DPY19L1: variants seen among roughly 807,000 people sequenced by gnomAD.
DPY19L1 encodes the protein protein C-mannosyl-transferase DPY19L1.
A neutral mutation model predicts 96.9 loss-of-function variants in DPY19L1; 35 were observed. The observed-to-expected ratio is 0.36, with a 90% CI of 0.28 to 0.48. The LOEUF (loss-of-function observed/expected upper bound fraction) is 0.48. Ranked by LOEUF, DPY19L1 falls within the 20% of genes least tolerant of loss-of-function variation. The pLI is 0.99. For synonymous variants in DPY19L1, 205 were observed against 252.6 expected (o/e 0.81, Z 1.79); for missense variants, 521 against 777.9 (o/e 0.67, Z 3.93).
chr7:34,960,064 T>G (rs1020372688), intron 10 of DPY19L1, among the ~76,000 whole-genome samples: 1 of 150,774 alleles, frequency 6.6e-6, no homozygotes, highest in African/African-American at 2.4e-5. Flanking sequence ...GTTAGCAAAT[T>G]TATCTTTCAT....
At chr7:34,981,455 A>C (rs1784937566) in intron 7 of DPY19L1, among the ~76,000 whole-genome samples, 1 of 152,342 alleles carries the variant, frequency 6.6e-6, no homozygotes. Context: ...GAGGATATTC[A>C]AGTGTCTCAA....
intron 15 of DPY19L1, among the ~76,000 whole-genome samples, chr7:34,947,242 A>G (rs1277982602): frequency 6.6e-6 from 1 of 152,192 alleles, no homozygotes; most frequent in African/African-American, 2.4e-5. Flanking sequence ...AATAATAAAC[A>G]CAATCCAGGA....
intron 1 of DPY19L1, among the ~76,000 whole-genome samples, chr7:35,020,298 A>G (rs1236241790): frequency 6.6e-6 from 1 of 152,214 alleles, no homozygotes; most frequent in African/African-American, 2.4e-5. Context: ...AATCACTCTG[A>G]GGTTATAATT....
At chr7:34,986,460 A>T (rs1785051397) in intron 7 of DPY19L1, among the ~76,000 whole-genome samples, 1 of 152,060 alleles carries the variant, frequency 6.6e-6, no homozygotes. Flanking sequence ...TTAAAAATAC[A>T]AATAAATAAA....
chr7:34,931,809 G>C, intron 21 of DPY19L1, 80 bp from the exon 22 acceptor site: 1 of 1,480,622 alleles, frequency 6.8e-7, no homozygotes, highest in Non-Finnish European at 9.0e-7. Context: ...TTACATTCCT[G>C]ACCTCAATTC....
At chr7:34,974,063 T>C (rs924561793) in intron 7 of DPY19L1, among the ~76,000 whole-genome samples, 2 of 152,224 alleles carry the variant, frequency 1.3e-5, no homozygotes, top group Admixed American at 6.5e-5. Context: ...CAAAGGAATA[T>C]TCCATTTTTG....
Position 35,018,507 on chromosome 7 carries a change from G to T in DPY19L1, c.323+65C>A. ...CTGAAATTATTCCTTTAAATGTATGGGAAATAGCTTTAGCAAGTTATAAAC... is the reference window on the plus strand; with the variant it reads ...CTGAAATTATTCCTTTAAATGTATGTGAAATAGCTTTAGCAAGTTATAAAC... On this transcript the variant is annotated intron_variant, in intron 2 of 21. Coordinates refer to ENST00000638088, the MANE Select transcript of DPY19L1 (RefSeq NM_001366673.1). The T allele has an allele frequency of 3.6e-6, 5 of 1,397,968 alleles. No individual in the cohort carries two copies. The South Asian group carries it at 6.1e-5, about 17-fold the overall frequency. 86.6% of individuals were successfully genotyped at this position (1,397,968 alleles called of 1,614,324 possible). A position where few individuals can be genotyped will look rare whatever the true frequency, so the allele number is the denominator to read the frequency against.
chr7:34,997,436 C>CAAAAAAAAAAA (rs397836742), intron 6 of DPY19L1, among the ~76,000 whole-genome samples: 6 of 91,912 alleles, frequency 6.5e-5, no homozygotes, highest in African/African-American at 1.4e-4. Flanking sequence ...ACTAAAAATA[C>CAAAAAAAAAAA]AAAAAAAAAA....
intron 10 of DPY19L1, among the ~76,000 whole-genome samples, chr7:34,961,976 G>A (rs1584220963): frequency 6.7e-6 from 1 of 149,340 alleles, no homozygotes; most frequent in Non-Finnish European, 1.5e-5. Context: ...TGGAGCAGCA[G>A]GAACTCTCAT....
At chr7:34,954,601 G>T in intron 13 of DPY19L1, 97 bp downstream of exon 13, 2 of 653,738 alleles carry the variant, frequency 3.1e-6, no homozygotes, top group South Asian at 2.1e-5. Context: ...CTTCATCCTA[G>T]AATTTCATTT....
chr7:34,991,512 C>T (rs1457222502), intron 6 of DPY19L1, among the ~76,000 whole-genome samples: 1 of 152,208 alleles, frequency 6.6e-6, no homozygotes, highest in Non-Finnish European at 1.5e-5. Flanking sequence ...ACCACATCTT[C>T]TTCAGAAGAG....
intron 6 of DPY19L1, among the ~76,000 whole-genome samples, chr7:35,005,206 A>C (rs1461565585): frequency 6.6e-6 from 1 of 152,076 alleles, no homozygotes; most frequent in Non-Finnish European, 1.5e-5. Context: ...CTGAAGACAG[A>C]GGCAGCAGTA....
chr7:35,036,910 G>A (rs1044949072), intron 1 of DPY19L1, among the ~76,000 whole-genome samples, 187 bp downstream of exon 1: 4 of 151,762 alleles, frequency 2.6e-5, no homozygotes, highest in African/African-American at 9.7e-5. Flanking sequence ...AGGGAGTTGC[G>A]GGGAGGAGAA....
chr7:34,966,899 G>A lies in DPY19L1; in HGVS notation c.1087C>T (p.His363Tyr), dbSNP rs780114396. The A allele has an allele frequency of 2.6e-6, 4 of 1,529,526 alleles. No homozygotes were observed. In the South Asian group the frequency reaches 5.0e-5, roughly 19 times the overall value. The allele number at this position is 1,529,526 out of a possible 1,614,324, so 94.7% of individuals were successfully genotyped here. ...ICKLRKIIYI[H>Y]MISLALCFVL... Reference sequence around the variant, plus strand: ...GAACAATAAAAAATTATTACCATGTGTATATAAATGATCTTCCGTAATTTA... The same window carrying A: ...GAACAATAAAAAATTATTACCATGTATATATAAATGATCTTCCGTAATTTA... The change falls in exon 10 of 22, where the codon CAC (histidine) becomes TAC (tyrosine). Residue 363 changes from histidine to tyrosine, a missense_variant. Coordinates refer to ENST00000638088, the MANE Select transcript of DPY19L1 (RefSeq NM_001366673.1).
At chr7:35,031,627 A>T (rs1237862144) in intron 1 of DPY19L1, among the ~76,000 whole-genome samples, 1 of 152,244 alleles carries the variant, frequency 6.6e-6, no homozygotes, top group African/African-American at 2.4e-5. Flanking sequence ...GTACATAAAT[A>T]AAACTGTATG....
chr7:34,950,572 G>A (rs1784248553), intron 13 of DPY19L1, among the ~76,000 whole-genome samples: 3 of 152,072 alleles, frequency 2.0e-5, no homozygotes, highest in African/African-American at 2.4e-5. Context: ...AACAACCAAA[G>A]AAAAGAGGAG....
chr7:35,012,756 A>T (rs1785743995), intron 4 of DPY19L1, among the ~76,000 whole-genome samples: 2 of 151,904 alleles, frequency 1.3e-5, no homozygotes, highest in South Asian at 4.2e-4. Flanking sequence ...CATCATACAC[A>T]AAGCTAAAGG....
At chr7:35,021,155 G>T (rs138238144) in intron 1 of DPY19L1, among the ~76,000 whole-genome samples, 2 of 152,188 alleles carry the variant, frequency 1.3e-5, no homozygotes, top group Non-Finnish European at 2.9e-5. Flanking sequence ...CACTCTTGGC[G>T]TTGGTGGTAT....
chr7:35,022,058 G>T (rs769087849), intron 1 of DPY19L1, among the ~76,000 whole-genome samples: 2 of 151,782 alleles, frequency 1.3e-5, no homozygotes, highest in Non-Finnish European at 2.9e-5. Flanking sequence ...ACTTCTGAAG[G>T]CACCCCTAAA....
Sources: allele counts gnomAD v4.1 joint callset (sites outside exome capture counted in the v4.1 genomes callset), GRCh38; gene constraint gnomAD v4.1.1; transcripts MANE v1.5; gene names NCBI Gene and HGNC (gene_info 2026-07-23, HGNC 2026-07-21).